The following IL6ST variants were observed in gnomAD, a reference collection of about 807,000 sequenced individuals.
The protein encoded by IL6ST is interleukin-6 receptor subunit beta.
A neutral mutation model predicts 91.3 loss-of-function variants in IL6ST; 24 were observed. The observed-to-expected ratio is 0.26, with a 90% CI of 0.19 to 0.37. The LOEUF (loss-of-function observed/expected upper bound fraction) is 0.37. Among genes scored for constraint, IL6ST ranks in the 10% least tolerant of loss-of-function variants. The pLI is 1.00. For missense variants in IL6ST, 914 were observed against 1,078.5 expected (o/e 0.85, Z 2.14); for synonymous variants, 351 against 373.6 (o/e 0.94, Z 0.70).
Position 55,941,020 on chromosome 5 carries a change from T to A in IL6ST, c.*62A>T, listed in dbSNP as rs185585344. The A allele has an allele frequency of 1.4e-6, 2 of 1,467,884 alleles. No homozygotes were observed. Among genetic ancestry groups the A allele is most frequent in the African/African-American group, 1.4e-5 (1 of 70,770 alleles). 90.9% of individuals were successfully genotyped at this position (1,467,884 alleles called of 1,614,324 possible). On this transcript the variant is annotated 3_prime_UTR_variant, in exon 17 of 17. Coordinates refer to ENST00000381298, the MANE Select transcript of IL6ST (RefSeq NM_002184.4). Reference sequence around the variant, plus strand: ...ACTTTTTAAAATCTGAATTCACAGATAAAATCATTTTAGCTTTACTTTATA... The same window carrying A: ...ACTTTTTAAAATCTGAATTCACAGAAAAAATCATTTTAGCTTTACTTTATA...
chr5:55,940,462 G>A lies in IL6ST; in HGVS notation c.*620C>T, dbSNP rs1303206016. 1.4e-5 allele frequency: 3 copies of A among 211,356 alleles called. No individual in the cohort carries two copies. The highest frequency in any genetic ancestry group is 2.9e-5 in the Non-Finnish European group (3 of 104,100). 13.1% of individuals were successfully genotyped at this position (211,356 alleles called of 1,614,324 possible). On this transcript the variant is annotated 3_prime_UTR_variant, in exon 17 of 17. Transcript: ENST00000381298. ...TTTAATCTGCCAAGTTAAAGCTCTAGAATTCCTTTTCTCCAGTAATAACTC... is the reference window on the plus strand; with the variant it reads ...TTTAATCTGCCAAGTTAAAGCTCTAAAATTCCTTTTCTCCAGTAATAACTC...
At chr5:55,987,816 T>C (rs1406077039) in intron 1 of IL6ST, among the ~76,000 whole-genome samples, 1 of 152,208 alleles carries the variant, frequency 6.6e-6, no homozygotes, top group Non-Finnish European at 1.5e-5. Context: ...GCTCTTGCTG[T>C]TGCTGCCACA....
intron 2 of IL6ST, among the ~76,000 whole-genome samples, chr5:55,977,461 G>A (rs1561196479): frequency 1.3e-5 from 2 of 152,080 alleles, no homozygotes; most frequent in Admixed American, 6.5e-5. Flanking sequence ...GAAGGCACAC[G>A]TAAAAGGGCA....
rs1750438436 is a variant in IL6ST at position 55,935,306 on chromosome 5, C to G, written c.*5776G>C. 5.1e-6 allele frequency: 1 copy of G among 194,346 alleles called. No homozygotes were observed. Among genetic ancestry groups the G allele is most frequent in the Non-Finnish European group, 1.1e-5 (1 of 93,424 alleles). 12.0% of individuals were successfully genotyped at this position (194,346 alleles called of 1,614,324 possible). A position where few individuals can be genotyped will look rare whatever the true frequency, so the allele number is the denominator to read the frequency against. On this transcript the variant is annotated 3_prime_UTR_variant, in exon 17 of 17. Transcript: ENST00000381298. ...TTTTTTGACATGTAAAATGACATAA[C>G]CATAGTCACAGGGAATAAAGAATCA...
chr5:55,991,935 T>C (rs892460617), intron 1 of IL6ST, among the ~76,000 whole-genome samples: 1 of 152,166 alleles, frequency 6.6e-6, no homozygotes, highest in African/African-American at 2.4e-5. Flanking sequence ...ACCATGCCAT[T>C]TATAATTCGG....
intron 2 of IL6ST, among the ~76,000 whole-genome samples, chr5:55,981,521 T>C (rs897010405): frequency 1.3e-5 from 2 of 152,076 alleles, no homozygotes; most frequent in Non-Finnish European, 2.9e-5. Flanking sequence ...CGCACACCTA[T>C]AGTCCCAGCT....
In IL6ST at chr5:55,982,788, T is replaced by G; in HGVS notation, c.-80A>C. 2.5e-6 allele frequency: 1 copy of G among 398,340 alleles called. No individual in the cohort carries two copies. Among genetic ancestry groups the G allele is most frequent in the Non-Finnish European group, 4.4e-6 (1 of 225,926 alleles). The allele number at this position is 398,340 out of a possible 1,614,324, so 24.7% of individuals were successfully genotyped here. A position where few individuals can be genotyped will look rare whatever the true frequency, so the allele number is the denominator to read the frequency against. On this transcript the variant is annotated 5_prime_UTR_variant, in exon 2 of 17. The change abolishes the stop of an existing upstream ORF in the 5' untranslated region. Coordinates refer to ENST00000381298, the MANE Select transcript of IL6ST (RefSeq NM_002184.4). ...AAGCTAAGTCTTCTACTTCTAAATG[T>G]CATGCTTTTTCCATTGGGTTTCACT...
chr5:55,961,230 T>TATA (rs1453987753), intron 7 of IL6ST, among the ~76,000 whole-genome samples: 2 of 152,266 alleles, frequency 1.3e-5, no homozygotes, highest in African/African-American at 4.8e-5. Flanking sequence ...GGGCCTGTAA[T>TATA]ATAACTTAGG....
chr5:55,970,858 C>T (rs751964418), intron 3 of IL6ST, among the ~76,000 whole-genome samples: 3 of 151,666 alleles, frequency 2.0e-5, no homozygotes, highest in Non-Finnish European at 4.4e-5. Flanking sequence ...AGTGAGATCA[C>T]GCCACTGCAC....
chr5:55,993,235 T>C (rs1161298556), intron 1 of IL6ST, among the ~76,000 whole-genome samples: 3 of 152,310 alleles, frequency 2.0e-5, no homozygotes, highest in Admixed American at 6.5e-5. Context: ...CCAAACCAAA[T>C]TGTGGCACTG....
chr5:55,975,597 G>A (rs187392653), intron 3 of IL6ST, among the ~76,000 whole-genome samples: 4 of 151,996 alleles, frequency 2.6e-5, no homozygotes, highest in Non-Finnish European at 5.9e-5. Context: ...TGAATTCCTG[G>A]ACTCAAGTTA....
intron 11 of IL6ST, 69 bp downstream of exon 11, chr5:55,954,741 A>C: frequency 1.6e-6 from 2 of 1,227,366 alleles, no homozygotes; most frequent in Non-Finnish European, 2.3e-6. Flanking sequence ...AAACACTATA[A>C]GCAAAAGAAA....
At position 55,956,141 on chromosome 5, in the gene IL6ST, G is replaced by A. The variant is rs1751953435; in HGVS notation, c.1151C>T (p.Ala384Val). 1 of 1,610,208 alleles carries A rather than the reference G, an allele frequency of 6.2e-7. No individual in the cohort carries two copies. The highest frequency in any genetic ancestry group is 1.1e-5 in the South Asian group (1 of 91,022). ...TGTGAGATTTACTGTCAGTTTTGTG[G>A]CATTAACTGTGTAATTTTGTAAATG... is the stretch of plus-strand genomic sequence containing the variant. ...KSHLQNYTVN[A>V]TKLTVNLTND... The change falls in exon 10 of 17, where the codon GCC becomes GTC. Residue 384 changes from alanine to valine, a missense_variant. Physicochemically the swap from Ala to Val is moderately conservative, Grantham distance 64 (BLOSUM62 0). Coordinates refer to ENST00000381298, the MANE Select transcript of IL6ST (RefSeq NM_002184.4).
chr5:55,994,840 C>G lies in IL6ST; in HGVS notation c.-160G>C, dbSNP rs1024611638. The G allele has an allele frequency of 6.6e-6, 1 of 152,368 alleles. No homozygotes were observed. Among genetic ancestry groups the G allele is most frequent in the African/African-American group, 2.4e-5 (1 of 41,452 alleles). The allele number at this position is 152,368 out of a possible 1,614,324, so 9.4% of individuals were successfully genotyped here. On this transcript the variant is annotated 5_prime_UTR_variant, in exon 1 of 17. Coordinates refer to ENST00000381298, the MANE Select transcript of IL6ST (RefSeq NM_002184.4). ...TCCACAGCGCACGAACCCCTTGGCGCCAGGCTGGGCCAGACCCGTCGGCCT... is the reference window on the plus strand; with the variant it reads ...TCCACAGCGCACGAACCCCTTGGCGGCAGGCTGGGCCAGACCCGTCGGCCT...
Position 55,942,754 on chromosome 5 carries a change from G to T in IL6ST, c.1938-3C>A, listed in dbSNP as rs1750999306. The T allele has an allele frequency of 3.8e-6, 6 of 1,563,374 alleles. No individual in the cohort carries two copies. Among genetic ancestry groups the T allele is most frequent in the Non-Finnish European group, 5.3e-6 (6 of 1,137,018 alleles). On this transcript the variant is annotated splice_polypyrimidine_tract_variant and splice_region_variant and intron_variant, in intron 15 of 16. Transcript: ENST00000381298. ...TAGGCCAGATGTGTTTTTTAATTCT[G>T]AAGAGAAAAGAAAAATGGCCTATGT... is the stretch of plus-strand genomic sequence containing the variant.
chr5:55,980,528 C>A (rs565403403), intron 2 of IL6ST, among the ~76,000 whole-genome samples: 1 of 151,912 alleles, frequency 6.6e-6, no homozygotes, highest in East Asian at 1.9e-4. Context: ...CCAGGCTGGG[C>A]GACAGAGTGA....
chr5:55,993,572 T>C (rs747116120), intron 1 of IL6ST, among the ~76,000 whole-genome samples: 3 of 152,218 alleles, frequency 2.0e-5, no homozygotes, highest in East Asian at 1.9e-4. Flanking sequence ...TAAACTGGTA[T>C]TGTCAATACA....
At chr5:55,963,996 T>C in intron 6 of IL6ST, 150 bp downstream of exon 6, 1 of 393,726 alleles carries the variant, frequency 2.5e-6, no homozygotes, top group Non-Finnish European at 4.4e-6. Flanking sequence ...TCTACATTAA[T>C]TAAAATCTAA....
At chr5:55,990,946 G>A (rs1408899091) in intron 1 of IL6ST, among the ~76,000 whole-genome samples, 2 of 141,340 alleles carry the variant, frequency 1.4e-5, no homozygotes, top group African/African-American at 2.7e-5. Context: ...GTGTCCAAGC[G>A]TTCTCATTGT....
Sources: allele counts gnomAD v4.1 joint callset (sites outside exome capture counted in the v4.1 genomes callset), GRCh38; gene constraint gnomAD v4.1.1; transcripts MANE v1.5; gene names NCBI Gene and HGNC (gene_info 2026-07-23, HGNC 2026-07-21).